Variants in CFAP47 observed in about 807,000 individuals in gnomAD.
The protein encoded by CFAP47 is cilia- and flagella-associated protein 47.
A neutral mutation model predicts 148.1 loss-of-function variants in CFAP47; 29 were observed. The observed-to-expected ratio is 0.20, with a 90% confidence interval of 0.15 to 0.27. The LOEUF (loss-of-function observed/expected upper bound fraction) is 0.27. Among genes scored for constraint, CFAP47 ranks in the 10% least tolerant of loss-of-function variants. CFAP47 has a pLI of 1.00. For missense variants in CFAP47, 1,872 were observed against 1,697.5 expected (o/e 1.10, Z -1.81); for synonymous variants, 664 against 577.3 (o/e 1.15, Z -2.15).
intron 6 of CFAP47, among the ~76,000 whole-genome samples, chrX:35,952,833 C>A (rs1936187576): frequency 8.9e-6 from 1 of 111,858 alleles, no homozygotes; most frequent in Non-Finnish European, 1.9e-5. Flanking sequence ...TTCATGGCAG[C>A]ATGTTAACTT....
In CFAP47 at chrX:35,966,608, A is replaced by G. The variant is rs1936410939; in HGVS notation, c.1454A>G (p.Lys485Arg). 8.8e-7 allele frequency: 1 copy of G among 1,130,530 alleles called. No individual in the cohort carries two copies. Among genetic ancestry groups the G allele is most frequent in the African/African-American group, 1.9e-5 (1 of 53,369 alleles). 93.2% of individuals were successfully genotyped at this position (1,130,530 alleles called of 1,213,427 possible). Residue 485 changes from lysine to arginine, a missense_variant, in exon 9 of 64, where the codon AAA (lysine) becomes AGA (arginine). Physicochemically the swap from Lys to Arg is conservative, Grantham distance 26. Transcript: ENST00000378653. ...SFVPHQLGVF[K>R]VKQMIEIIGL... The stretch of plus-strand genomic sequence containing the variant: ...GTTCCACATCAACTTGGAGTCTTCA[A>G]AGTGAAGCAGATGATAGAGATTATT...
chrX:36,269,367 G>A (rs10126389), intron 49 of CFAP47, among the ~76,000 whole-genome samples: 11,322 of 111,633 alleles, frequency 0.1, 753 homozygotes, highest in African/African-American at 0.23. Context: ...AGAGATTTTA[G>A]ATAGATAGAT....
intron 2 of CFAP47, 111 bp from the exon 3 acceptor site, chrX:35,941,172 C>A: frequency 2.4e-6 from 1 of 410,853 alleles, no homozygotes; most frequent in East Asian, 4.5e-5. Flanking sequence ...TGTAAATAAA[C>A]TGAAATGTCT....
At chrX:36,232,290 A>C (rs1940374915) in intron 46 of CFAP47, among the ~76,000 whole-genome samples, 1 of 111,608 alleles carries the variant, frequency 9.0e-6, no homozygotes, top group East Asian at 2.8e-4. Flanking sequence ...ACAATTTCAG[A>C]GCCTGTTATC....
At chrX:36,320,528 C>T (rs1941470247) in intron 57 of CFAP47, among the ~76,000 whole-genome samples, 2 of 112,046 alleles carry the variant, frequency 1.8e-5, no homozygotes, top group Admixed American at 1.9e-4. Flanking sequence ...TTAACTTACA[C>T]AGAATCAAAA....
intron 3 of CFAP47, among the ~76,000 whole-genome samples, chrX:35,941,875 A>G (rs1043520705): frequency 1.8e-5 from 2 of 111,586 alleles, no homozygotes; most frequent in African/African-American, 3.3e-5. Context: ...TTCTTTCTCA[A>G]TCATATTCAA....
intron 33 of CFAP47, among the ~76,000 whole-genome samples, chrX:36,108,865 C>T (rs2146800875): frequency 9.5e-6 from 1 of 104,831 alleles, no homozygotes; most frequent in South Asian, 4.5e-4. Flanking sequence ...AAACTCATGT[C>T]ACGGGGGTTT....
At chrX:36,057,950 T>C (rs1387389870) in intron 26 of CFAP47, among the ~76,000 whole-genome samples, 1 of 111,781 alleles carries the variant, frequency 8.9e-6, no homozygotes. Context: ...ACTGGATAAG[T>C]GTACATAAAG....
intron 52 of CFAP47, among the ~76,000 whole-genome samples, chrX:36,300,333 A>T (rs1344343423): frequency 9.3e-6 from 1 of 107,066 alleles, no homozygotes; most frequent in Non-Finnish European, 1.9e-5. Context: ...TCTGTCACCC[A>T]CGCTAGAGTG....
chrX:35,989,370 G>A lies in CFAP47; in HGVS notation c.2765G>A (p.Gly922Asp). ...SLECEVTWQQ[G>D]FSSPEEGEFI... ...GAATGTGAAGTAACTTGGCAGCAGG[G>A]CTTCAGTTCTCCAGAAGAAGGAGAA... is the stretch of plus-strand genomic sequence containing the variant. Residue 922 changes from glycine (G) to aspartate (D), a missense_variant, in exon 16 of 64, where the codon GGC (glycine) becomes GAC (aspartate). Physicochemically the swap from Gly to Asp is moderately conservative, Grantham distance 94. Transcript: ENST00000378653. The A allele has an allele frequency of 8.3e-7, 1 of 1,211,032 alleles. No homozygotes were observed.
chrX:35,993,421 G>A (rs372471654), intron 18 of CFAP47, 100 bp downstream of exon 18: 64 of 272,722 alleles, frequency 2.3e-4, no homozygotes, highest in Non-Finnish European at 3.8e-4. Context: ...CTACAAAATG[G>A]AGTACACATG....
In CFAP47 at chrX:36,001,628, C is replaced by T; in HGVS notation, c.3338C>T (p.Pro1113Leu). 1 of 295,756 alleles carries T rather than the reference C, an allele frequency of 3.4e-6. No individual in the cohort carries two copies. The allele number at this position is 295,756 out of a possible 1,213,427, so 24.4% of individuals were successfully genotyped here. A position where few individuals can be genotyped will look rare whatever the true frequency, so the allele number is the denominator to read the frequency against. Residue 1113 changes from proline to leucine, a missense_variant, in exon 21 of 64, where the codon CCT (proline) becomes CTT (leucine). By Grantham distance (98) the Pro-to-Leu change is moderately conservative (BLOSUM62 -3). Coordinates refer to ENST00000378653, the MANE Select transcript of CFAP47 (RefSeq NM_001304548.2). Reference protein sequence around the residue: ...LKDKSEEFKDPAVPYIYSLEL... With the variant: ...LKDKSEEFKDLAVPYIYSLEL... Reference sequence around the variant, plus strand: ...CCTCTTACAGAAGAATTTAAAGACCCTGCAGTTCCTTATATATATTCTTTG... The same window carrying T: ...CCTCTTACAGAAGAATTTAAAGACCTTGCAGTTCCTTATATATATTCTTTG...
chrX:36,109,855 T>C (rs1182039569), intron 33 of CFAP47, among the ~76,000 whole-genome samples: 2 of 112,209 alleles, frequency 1.8e-5, no homozygotes, highest in Non-Finnish European at 1.9e-5. Flanking sequence ...ATTTCTCTAA[T>C]GATCAGTGAT....
At chrX:36,128,234 T>C (rs1358817245) in intron 33 of CFAP47, among the ~76,000 whole-genome samples, 1 of 111,175 alleles carries the variant, frequency 9.0e-6, no homozygotes, top group Non-Finnish European at 1.9e-5. Flanking sequence ...GTGTGATTTA[T>C]ATGTGAATAG....
At chrX:36,278,951 CCTAA>C (rs1464162358) in intron 49 of CFAP47, among the ~76,000 whole-genome samples, 12 of 111,879 alleles carry the variant, frequency 1.1e-4, no homozygotes, top group South Asian at 3.7e-4. Context: ...TGGTCACCTG[CCTAA>C]CTGTCTGTAA....
chrX:36,084,177 A>T (rs1462791808), intron 29 of CFAP47, among the ~76,000 whole-genome samples: 2 of 111,348 alleles, frequency 1.8e-5, no homozygotes, highest in Admixed American at 9.6e-5. Context: ...ATCAATTTTG[A>T]ACATAGTACA....
rs1938437170 is a variant in CFAP47 at position 36,104,665 on chromosome X, A to G, written c.5294A>G (p.His1765Arg). 1.1e-6 allele frequency: 1 copy of G among 890,041 alleles called. No individual in the cohort carries two copies. The allele number at this position is 890,041 out of a possible 1,213,427, so 73.3% of individuals were successfully genotyped here. The change falls in exon 33 of 64, where the codon CAT becomes CGT. Residue 1765 changes from histidine (H) to arginine (R), a missense_variant. Transcript: ENST00000378653. ...WMNINYENTR[H>R]VIWKNCHKDV... ...AACATAAATTATGAGAATACTCGAC[A>G]TGTGATATGGAAAAACTGTCACAAA... is the stretch of plus-strand genomic sequence containing the variant.
In CFAP47 at chrX:36,362,220, T is replaced by C. The variant is rs1340788744; in HGVS notation, c.9023+719T>C. Among the ~76,000 whole-genome samples, 5 of 112,580 alleles carry C rather than the reference T, an allele frequency of 4.4e-5. No homozygotes were observed. The South Asian group carries it at 1.8e-3, about 41-fold the overall frequency. ...GATTTCTTTTTTCTTCTCTCAACTT[T>C]TGTTTTAGATACAGGAAGTATATTT... is the stretch of plus-strand genomic sequence containing the variant. On this transcript the variant is annotated intron_variant, in intron 61 of 63. Coordinates refer to ENST00000378653, the MANE Select transcript of CFAP47 (RefSeq NM_001304548.2).
chrX:36,039,249 A>T (rs1473177352), intron 25 of CFAP47, 70 bp downstream of exon 25: 2 of 460,674 alleles, frequency 4.3e-6, no homozygotes, highest in African/African-American at 2.5e-5. Context: ...GTTATATAAG[A>T]ATTATATAAG....
Sources: gnomAD v4.1 joint callset for allele counts (sites outside exome capture counted in the v4.1 genomes callset) on GRCh38, gnomAD v4.1.1 for gene constraint, MANE v1.5 for transcripts, NCBI Gene and HGNC (gene_info 2026-07-23, HGNC 2026-07-21) for gene names.